HS3ST3A1: variants seen among roughly 807,000 people sequenced by gnomAD.
HS3ST3A1 encodes the protein heparan sulfate glucosamine 3-O-sulfotransferase 3A1.
HS3ST3A1 carries 19 observed loss-of-function variants against 25.7 expected under a neutral mutation model. That is an observed-to-expected ratio of 0.74 (90% CI 0.52 to 1.08). HS3ST3A1 has a LOEUF of 1.08. Among genes scored for constraint, HS3ST3A1 ranks in the 50% least tolerant of loss-of-function variants. HS3ST3A1 has a pLI of 0.00. For missense variants in HS3ST3A1, 459 were observed against 594.3 expected (o/e 0.77, Z 2.37); for synonymous variants, 226 against 278.6 (o/e 0.81, Z 1.88).
At chr17:13,547,291 C>T (rs945459780) in intron 1 of HS3ST3A1, among the ~76,000 whole-genome samples, 10 of 152,196 alleles carry the variant, frequency 6.6e-5, no homozygotes, top group African/African-American at 2.2e-4. Flanking sequence ...GTAATAAGTG[C>T]CTTTTGCAAG....
chr17:13,562,724 A>G (rs1294753932), intron 1 of HS3ST3A1, among the ~76,000 whole-genome samples: 1 of 152,068 alleles, frequency 6.6e-6, no homozygotes, highest in East Asian at 1.9e-4. Flanking sequence ...AAACGTTTCC[A>G]CTGGGCCAAA....
intron 1 of HS3ST3A1, among the ~76,000 whole-genome samples, chr17:13,515,168 CAT>C (rs1406155149): frequency 4.6e-5 from 7 of 152,084 alleles, no homozygotes; most frequent in Admixed American, 4.6e-4. Flanking sequence ...ATTGCAATAA[CAT>C]ATATTTTCTG....
chr17:13,503,397 G>A (rs1002849518), intron 1 of HS3ST3A1, among the ~76,000 whole-genome samples: 3 of 152,056 alleles, frequency 2.0e-5, no homozygotes, highest in Admixed American at 6.5e-5. Context: ...CAACAATTTC[G>A]TGTATATTTT....
intron 1 of HS3ST3A1, among the ~76,000 whole-genome samples, chr17:13,542,640 T>A (rs1906968323): frequency 6.6e-6 from 1 of 152,016 alleles, no homozygotes; most frequent in Non-Finnish European, 1.5e-5. Context: ...TATCACAGGC[T>A]ACCATATTTT....
At chr17:13,580,132 G>A (rs959457480) in intron 1 of HS3ST3A1, among the ~76,000 whole-genome samples, 2 of 151,816 alleles carry the variant, frequency 1.3e-5, no homozygotes, top group Non-Finnish European at 2.9e-5. Flanking sequence ...GCCAACACAC[G>A]CATTCTTCAA....
chr17:13,507,005 G>T (rs1203250817), intron 1 of HS3ST3A1, among the ~76,000 whole-genome samples: 1 of 150,470 alleles, frequency 6.6e-6, no homozygotes, highest in Non-Finnish European at 1.5e-5. Flanking sequence ...GGAGGCAGAG[G>T]TTGCAGTGAG....
chr17:13,504,820 A>C (rs1261168304), intron 1 of HS3ST3A1, among the ~76,000 whole-genome samples: 2 of 152,154 alleles, frequency 1.3e-5, no homozygotes, highest in Non-Finnish European at 2.9e-5. Flanking sequence ...CCTCTCCAAG[A>C]CCACTTCTCC....
chr17:13,512,158 G>T (rs548016241), intron 1 of HS3ST3A1, among the ~76,000 whole-genome samples: 3 of 152,036 alleles, frequency 2.0e-5, no homozygotes, highest in Admixed American at 2.0e-4. Flanking sequence ...AATTAGCCGG[G>T]CGCGGTGGCG....
chr17:13,584,134 T>C (rs982667908), intron 1 of HS3ST3A1, among the ~76,000 whole-genome samples: 1 of 152,220 alleles, frequency 6.6e-6, no homozygotes, highest in African/African-American at 2.4e-5. Flanking sequence ...CCTTCAATGT[T>C]AATGAGGAAA....
In HS3ST3A1 at chr17:13,564,634, C is replaced by T. The variant is rs371540131; in HGVS notation, c.599+35897G>A. On this transcript the variant is annotated intron_variant, in intron 1 of 1. Coordinates refer to ENST00000284110, the MANE Select transcript of HS3ST3A1 (RefSeq NM_006042.3). ...TTATTATTGTATTGTTTTGTGGGAG[C>T]GGGGGCTGGAGATTGGTTGAATCCC... is the stretch of plus-strand genomic sequence containing the variant. Among the ~76,000 whole-genome samples the T allele has an allele frequency of 8.8e-4, 132 of 150,752 alleles. 1 individual carries two copies. The South Asian group carries it at 0.012, about 13-fold the overall frequency.
intron 1 of HS3ST3A1, among the ~76,000 whole-genome samples, chr17:13,533,626 C>T (rs908418970): frequency 2.6e-5 from 4 of 151,838 alleles, no homozygotes; most frequent in East Asian, 1.9e-4. Context: ...GATTGCATCA[C>T]GATAGAAAGA....
chr17:13,585,292 C>A (rs1162440670), intron 1 of HS3ST3A1, among the ~76,000 whole-genome samples: 2 of 142,852 alleles, frequency 1.4e-5, no homozygotes, highest in Admixed American at 7.6e-5. Flanking sequence ...CTCTGCCTCC[C>A]GGGTTCAAGC....
At chr17:13,555,718 A>C (rs1907355375) in intron 1 of HS3ST3A1, among the ~76,000 whole-genome samples, 1 of 152,100 alleles carries the variant, frequency 6.6e-6, no homozygotes, top group Non-Finnish European at 1.5e-5. Flanking sequence ...AGATGTTTAT[A>C]ATTAACAGAA....
chr17:13,592,684 T>C (rs62053917), intron 1 of HS3ST3A1, among the ~76,000 whole-genome samples: 21,731 of 152,226 alleles, frequency 0.14, 1,656 homozygotes, highest in African/African-American at 0.18. Flanking sequence ...GGCGTGGGTG[T>C]TGTTTTGTTT....
At chr17:13,600,208 A>G (rs994258655) in intron 1 of HS3ST3A1, among the ~76,000 whole-genome samples, 1 of 144,620 alleles carries the variant, frequency 6.9e-6, no homozygotes, top group Non-Finnish European at 1.5e-5. Context: ...TTTCTAATTT[A>G]GAAGAGACTT....
At chr17:13,554,484 A>G (rs1907321117) in intron 1 of HS3ST3A1, among the ~76,000 whole-genome samples, 1 of 152,230 alleles carries the variant, frequency 6.6e-6, no homozygotes, top group South Asian at 2.1e-4. Context: ...CAGAGCTGAC[A>G]TCTGACAGCC....
At chr17:13,516,845 C>A (rs977967996) in intron 1 of HS3ST3A1, among the ~76,000 whole-genome samples, 2 of 152,056 alleles carry the variant, frequency 1.3e-5, no homozygotes, top group African/African-American at 2.4e-5. Context: ...TGCCACTACG[C>A]CCGGCTAATT....
At chr17:13,539,537 G>T (rs772202810) in intron 1 of HS3ST3A1, among the ~76,000 whole-genome samples, 1 of 152,128 alleles carries the variant, frequency 6.6e-6, no homozygotes, top group Non-Finnish European at 1.5e-5. Flanking sequence ...ACATCACTGC[G>T]TGTTTGTTAT....
chr17:13,556,792 C>T (rs1034648122), intron 1 of HS3ST3A1, among the ~76,000 whole-genome samples: 1 of 148,334 alleles, frequency 6.7e-6, no homozygotes. Context: ...GCAGAGGTTG[C>T]AGGGAGCAGA....
Sources: gnomAD v4.1 joint callset for allele counts (sites outside exome capture counted in the v4.1 genomes callset) on GRCh38, gnomAD v4.1.1 for gene constraint, MANE v1.5 for transcripts, NCBI Gene and HGNC (gene_info 2026-07-23, HGNC 2026-07-21) for gene names.